Variants in RSPO2 observed in about 807,000 individuals in gnomAD.
RSPO2 encodes the protein R-spondin 2.
A neutral mutation model predicts 30.9 loss-of-function variants in RSPO2; 14 were observed. The observed-to-expected ratio is 0.45, with a 90% CI of 0.30 to 0.71. The LOEUF is 0.71. RSPO2 is among the 30% of genes least tolerant of loss of function. RSPO2 has a pLI of 0.08. For missense variants in RSPO2, 264 were observed against 301.9 expected (o/e 0.87, Z 0.93); for synonymous variants, 107 against 96.4 (o/e 1.11, Z -0.64).
At chr8:107,912,425 C>A (rs1440788785) in intron 5 of RSPO2, among the ~76,000 whole-genome samples, 1 of 152,156 alleles carries the variant, frequency 6.6e-6, no homozygotes, top group Non-Finnish European at 1.5e-5. Flanking sequence ...AGCAAGCAAG[C>A]AGAAATTAAG....
chr8:108,052,831 C>A (rs1339408313), intron 2 of RSPO2, among the ~76,000 whole-genome samples: 1 of 151,892 alleles, frequency 6.6e-6, no homozygotes, highest in Non-Finnish European at 1.5e-5. Flanking sequence ...TCAGTGTGAA[C>A]ATCTGGACCA....
chr8:107,906,956 G>C (rs1019728326), intron 5 of RSPO2, among the ~76,000 whole-genome samples: 1 of 151,600 alleles, frequency 6.6e-6, no homozygotes, highest in Admixed American at 6.6e-5. Flanking sequence ...TCAAATATAA[G>C]AGTTATATAA....
rs1189804305 is a variant in RSPO2, at chr8:107,900,232, G to A, written c.*843C>T. The A allele has an allele frequency of 6.6e-6, 1 of 152,098 alleles. No homozygotes were observed. Among genetic ancestry groups the A allele is most frequent in the Non-Finnish European group, 1.5e-5 (1 of 68,038 alleles). 9.4% of individuals were successfully genotyped at this position (152,098 alleles called of 1,614,324 possible). ...TCTATATGTGTGGGACATGTGGAGT[G>A]GAGAAGGTCTACCCAATATGCAAAC... On this transcript the variant is annotated 3_prime_UTR_variant, in exon 6 of 6. Transcript: ENST00000276659.
chr8:108,038,935 G>C lies in RSPO2; in HGVS notation c.94+43610C>G, dbSNP rs542291675. 2.0e-5 allele frequency among the ~76,000 whole-genome samples: 3 copies of C among 152,210 alleles called. 1 individual carries two copies. The Middle Eastern group carries it at 0.01, about 518-fold the overall frequency. Reference sequence around the variant, plus strand: ...CTGAAACACAACCCACATTATCTCTGAAGTATGCCTGTATTTATATTATCA... The same window carrying C: ...CTGAAACACAACCCACATTATCTCTCAAGTATGCCTGTATTTATATTATCA... On this transcript the variant is annotated intron_variant, in intron 2 of 5. Transcript: ENST00000276659.
chr8:108,030,834 T>G (rs1034223599), intron 2 of RSPO2, among the ~76,000 whole-genome samples: 4 of 152,234 alleles, frequency 2.6e-5, no homozygotes, highest in Admixed American at 1.3e-4. Context: ...CTTATATTTC[T>G]GTTAATGACT....
At chr8:107,953,068 G>C (rs955287489) in intron 5 of RSPO2, among the ~76,000 whole-genome samples, 1 of 152,164 alleles carries the variant, frequency 6.6e-6, no homozygotes, top group Non-Finnish European at 1.5e-5. Context: ...GAGCAAAAGA[G>C]GCAGAAAGCT....
chr8:107,984,330 A>G (rs776130584), intron 3 of RSPO2, among the ~76,000 whole-genome samples: 7 of 152,254 alleles, frequency 4.6e-5, no homozygotes, highest in Admixed American at 2.6e-4. Context: ...AATGCCATAA[A>G]TGATAATGCA....
chr8:107,961,298 C>T (rs1281280331), intron 3 of RSPO2, among the ~76,000 whole-genome samples: 3 of 151,972 alleles, frequency 2.0e-5, no homozygotes, highest in Non-Finnish European at 4.4e-5. Context: ...AATGCTAGCA[C>T]CTACATTCAT....
At chr8:107,909,085 C>T (rs1018418148) in intron 5 of RSPO2, among the ~76,000 whole-genome samples, 24 of 152,052 alleles carry the variant, frequency 1.6e-4, no homozygotes, top group African/African-American at 3.6e-4. Flanking sequence ...AGCAAATATA[C>T]TAGGCAATTT....
intron 2 of RSPO2, among the ~76,000 whole-genome samples, chr8:108,075,635 G>A (rs1297031791): frequency 6.6e-6 from 1 of 150,908 alleles, no homozygotes; most frequent in Admixed American, 6.6e-5. Flanking sequence ...ATAATCAGAA[G>A]AGACTTCAGA....
Position 107,989,042 on chromosome 8 carries a change from A to T in RSPO2, c.283+14T>A. On this transcript the variant is annotated intron_variant, in intron 3 of 5. Transcript: ENST00000276659. Reference sequence around the variant, plus strand: ...ATATCCAGCAATACAGGATAGACAAAACCAAATGCTCACTTGCACATCTGT... The same window carrying T: ...ATATCCAGCAATACAGGATAGACAATACCAAATGCTCACTTGCACATCTGT... 1 of 1,586,220 alleles carries T rather than the reference A, an allele frequency of 6.3e-7. No individual in the cohort carries two copies. The highest frequency in any genetic ancestry group is 1.2e-5 in the South Asian group (1 of 84,668).
At chr8:107,961,928 T>C (rs533682044) in intron 3 of RSPO2, among the ~76,000 whole-genome samples, 1 of 152,352 alleles carries the variant, frequency 6.6e-6, no homozygotes, top group African/African-American at 2.4e-5. Flanking sequence ...CAGAAATCCT[T>C]GGCATGCACA....
chr8:107,967,484 T>C (rs1813843275), intron 3 of RSPO2, among the ~76,000 whole-genome samples: 1 of 152,154 alleles, frequency 6.6e-6, no homozygotes, highest in Non-Finnish European at 1.5e-5. Context: ...TTTTTTGTAA[T>C]ACAGTCAAGT....
intron 3 of RSPO2, among the ~76,000 whole-genome samples, chr8:107,967,952 A>G (rs2130461829): frequency 6.6e-6 from 1 of 152,250 alleles, no homozygotes; most frequent in Non-Finnish European, 1.5e-5. Context: ...TCTCTATCTT[A>G]CAGGCTTTTT....
intron 5 of RSPO2, among the ~76,000 whole-genome samples, chr8:107,901,720 T>C (rs761596427): frequency 6.6e-6 from 1 of 152,260 alleles, no homozygotes; most frequent in African/African-American, 2.4e-5. Flanking sequence ...TCCTTTATTT[T>C]CTATAAAAAT....
intron 5 of RSPO2, among the ~76,000 whole-genome samples, chr8:107,952,743 T>C (rs954940480): frequency 2.0e-5 from 3 of 152,208 alleles, no homozygotes; most frequent in East Asian, 3.8e-4. Flanking sequence ...TTTAGTCATA[T>C]TACCTAATAC....
chr8:108,063,570 C>T (rs1812549765), intron 2 of RSPO2, among the ~76,000 whole-genome samples: 2 of 151,630 alleles, frequency 1.3e-5, no homozygotes, highest in Admixed American at 1.3e-4. Flanking sequence ...TGCTCATGGA[C>T]AGGAAGAATC....
chr8:108,078,080 GA>G (rs1454463081), intron 2 of RSPO2, among the ~76,000 whole-genome samples: 1 of 152,148 alleles, frequency 6.6e-6, no homozygotes, highest in Non-Finnish European at 1.5e-5. Context: ...TTGCATTAGG[GA>G]ACTAGAAGTG....
intron 5 of RSPO2, among the ~76,000 whole-genome samples, chr8:107,920,866 A>G (rs1812142715): frequency 6.6e-6 from 1 of 152,120 alleles, no homozygotes; most frequent in Non-Finnish European, 1.5e-5. Context: ...TTAAAACGTA[A>G]AGTAGATTAA....
Sources: gnomAD v4.1 joint callset for allele counts (sites outside exome capture counted in the v4.1 genomes callset) on GRCh38, gnomAD v4.1.1 for gene constraint, MANE v1.5 for transcripts, NCBI Gene and HGNC (gene_info 2026-07-23, HGNC 2026-07-21) for gene names.